P2RY14: variants seen among roughly 807,000 people sequenced by gnomAD.
P2RY14 encodes purinergic receptor P2Y14.
Under a neutral mutation model 0.9 loss-of-function variants are expected in P2RY14, and 2 were observed. That is an observed-to-expected ratio of 2.16 (90% CI 0.88 to 6.79). The LOEUF is 6.79. Ranked by LOEUF, P2RY14 falls within the 30% of genes most tolerant of loss-of-function variation. The probability of loss-of-function intolerance (pLI) is 0.05; values close to 1 mark genes in which losing one functional copy is unlikely to be tolerated. For missense variants in P2RY14, 378 were observed against 400.1 expected, an observed-to-expected ratio of 0.94 and a Z score of 0.47; for synonymous variants, 158 against 147.2, an observed-to-expected ratio of 1.07 and a Z score of -0.53.
intron 1 of P2RY14, among the ~76,000 whole-genome samples, chr3:151,268,079 G>A (rs1369325937): frequency 1.3e-5 from 2 of 152,048 alleles, no homozygotes; most frequent in Non-Finnish European, 1.5e-5. Context: ...AATATGCATC[G>A]GTGGTAGTCT....
At chr3:151,218,012 G>A (rs570272688) in intron 2 of P2RY14, among the ~76,000 whole-genome samples, 22 of 152,246 alleles carry the variant, frequency 1.4e-4, no homozygotes, top group African/African-American at 5.3e-4. Flanking sequence ...AAAAAGACAT[G>A]CATCATTTGG....
chr3:151,267,527 T>C (rs1026569993), intron 1 of P2RY14, among the ~76,000 whole-genome samples: 2 of 152,178 alleles, frequency 1.3e-5, no homozygotes, highest in Non-Finnish European at 2.9e-5. Flanking sequence ...AAGTGCAAGC[T>C]ACAAATGAGA....
intron 1 of P2RY14, among the ~76,000 whole-genome samples, chr3:151,226,269 T>G (rs1175519421): frequency 6.6e-6 from 1 of 152,118 alleles, no homozygotes; most frequent in Non-Finnish European, 1.5e-5. Flanking sequence ...GAAGGAGTTT[T>G]GGGGTGAGAG....
intron 1 of P2RY14, among the ~76,000 whole-genome samples, chr3:151,264,769 G>T (rs959295747): frequency 6.6e-6 from 1 of 152,106 alleles, no homozygotes; most frequent in Non-Finnish European, 1.5e-5. Context: ...CCCAGTGCGT[G>T]TGTGTGTATG....
intron 1 of P2RY14, among the ~76,000 whole-genome samples, chr3:151,233,728 C>T (rs538465298): frequency 2.0e-5 from 3 of 152,254 alleles, no homozygotes; most frequent in South Asian, 2.1e-4. Flanking sequence ...AGTGAAACTC[C>T]GTCTCAAAAA....
chr3:151,238,376 A>G lies in P2RY14; in HGVS notation c.-132-18734T>C, dbSNP rs573640209. On this transcript the variant is annotated intron_variant, in intron 1 of 2. Coordinates refer to ENST00000309170, the MANE Select transcript of P2RY14 (RefSeq NM_014879.4). ...TGGTCAGGCTGGTCTCGAACTCCTG[A>G]CCTCAGGTGATCCACCCGCCTCAGC... 2.1e-4 allele frequency among the ~76,000 whole-genome samples: 32 copies of G among 152,164 alleles called. No homozygotes were observed. The East Asian group carries it at 6.0e-3, about 29-fold the overall frequency.
chr3:151,218,866 CAAAAAAAAAAAAAAAAAA>C (rs397686351), intron 2 of P2RY14, among the ~76,000 whole-genome samples: 1 of 71,334 alleles, frequency 1.4e-5, no homozygotes, highest in Non-Finnish European at 2.8e-5. Flanking sequence ...GACTCAGTCT[CAAAAAAAAAAAAAAAAAA>C]AAAAAAAAAA....
chr3:151,254,302 A>C (rs1737405770), intron 1 of P2RY14, among the ~76,000 whole-genome samples: 1 of 152,196 alleles, frequency 6.6e-6, no homozygotes, highest in African/African-American at 2.4e-5. Flanking sequence ...TTTTTGGATA[A>C]ATCAGCATCT....
intron 1 of P2RY14, among the ~76,000 whole-genome samples, chr3:151,237,045 C>CTTTT (rs56926535): frequency 7.9e-5 from 10 of 125,854 alleles, no homozygotes; most frequent in African/African-American, 2.1e-4. Flanking sequence ...TGATGCCAAA[C>CTTTT]TTTTTTTTTT....
chr3:151,264,394 T>C (rs907128408), intron 1 of P2RY14, among the ~76,000 whole-genome samples: 14 of 152,240 alleles, frequency 9.2e-5, no homozygotes, highest in Admixed American at 9.2e-4. Flanking sequence ...AGTAGGAGTG[T>C]ATTTTGTCAG....
chr3:151,232,735 A>G (rs1035294114), intron 1 of P2RY14, among the ~76,000 whole-genome samples: 2 of 152,230 alleles, frequency 1.3e-5, no homozygotes, highest in African/African-American at 2.4e-5. Context: ...GAGCTAAATC[A>G]TGAGAACTCA....
intron 1 of P2RY14, among the ~76,000 whole-genome samples, chr3:151,257,572 C>G (rs193263465): frequency 3.3e-5 from 5 of 152,302 alleles, no homozygotes; most frequent in Admixed American, 3.3e-4. Context: ...GAATATTGTT[C>G]TGTATGCCTG....
At chr3:151,234,912 CT>C (rs1732424423) in intron 1 of P2RY14, among the ~76,000 whole-genome samples, 1 of 152,202 alleles carries the variant, frequency 6.6e-6, no homozygotes, top group Non-Finnish European at 1.5e-5. Flanking sequence ...TAATAAGAAT[CT>C]GTCCAGCCTG....
chr3:151,276,479 T>C (rs954793723), intron 1 of P2RY14, among the ~76,000 whole-genome samples: 1 of 152,218 alleles, frequency 6.6e-6, no homozygotes, highest in African/African-American at 2.4e-5. Context: ...TCAGCCTACC[T>C]CCTGGACTGG....
chr3:151,246,859 G>A (rs576221487), intron 1 of P2RY14, among the ~76,000 whole-genome samples: 97 of 152,158 alleles, frequency 6.4e-4, no homozygotes, highest in Non-Finnish European at 1.0e-3. Context: ...GAAACTTTTC[G>A]CAACCTACTC....
At position 151,213,848 on chromosome 3, in the gene P2RY14, T is replaced by C. The variant is rs1727634701; in HGVS notation, c.469A>G (p.Ile157Val). Residue 157 changes from isoleucine (I) to valine (V), a missense_variant, in exon 3 of 3, where the codon ATT becomes GTT. Coordinates refer to ENST00000309170, the MANE Select transcript of P2RY14 (RefSeq NM_014879.4). ...MLMLLLAVPNIILTNQSVREV... is the reference protein window; with the variant it reads ...MLMLLLAVPNVILTNQSVREV... Reference sequence around the variant, plus strand: ...CTAACACTCTGGTTGGTGAGAATAATATTTGGAACAGCAAGGAGGAGCATG... The same window carrying C: ...CTAACACTCTGGTTGGTGAGAATAACATTTGGAACAGCAAGGAGGAGCATG... 8 of 1,614,144 alleles carry C rather than the reference T, an allele frequency of 5.0e-6. No homozygotes were observed. The highest frequency in any genetic ancestry group is 6.8e-6 in the Non-Finnish European group (8 of 1,179,988).
Position 151,218,448 on chromosome 3 carries a change from T to C in P2RY14, c.-25+1087A>G, listed in dbSNP as rs142761522. 2.0e-3 allele frequency among the ~76,000 whole-genome samples: 298 copies of C among 152,364 alleles called. 2 individuals are homozygous for C. The highest frequency in any genetic ancestry group is 6.8e-3 in the African/African-American group (284 of 41,590). ...TCATTGATAGTTACTTCTGGTATTA[T>C]CACTGAATTTCTGCTGTGAAAGTTG... On this transcript the variant is annotated intron_variant, in intron 2 of 2. Transcript: ENST00000309170.
chr3:151,217,650 C>T (rs2149247650), intron 2 of P2RY14, among the ~76,000 whole-genome samples: 1 of 152,314 alleles, frequency 6.6e-6, no homozygotes, highest in East Asian at 1.9e-4. Context: ...TACCCTGTGC[C>T]ACTGTCTGGT....
chr3:151,255,222 C>T (rs922922734), intron 1 of P2RY14, among the ~76,000 whole-genome samples: 1 of 152,036 alleles, frequency 6.6e-6, no homozygotes, highest in African/African-American at 2.4e-5. Context: ...AGCCATATAA[C>T]AGGGGATGTG....
Sources: gnomAD v4.1 joint callset for allele counts (sites outside exome capture counted in the v4.1 genomes callset) on GRCh38, gnomAD v4.1.1 for gene constraint, MANE v1.5 for transcripts, NCBI Gene and HGNC (gene_info 2026-07-23, HGNC 2026-07-21) for gene names.